The following TFDP1 variants were observed in gnomAD, a reference collection of about 807,000 sequenced individuals.
The protein encoded by TFDP1 is DRTF1-polypeptide 1.
In TFDP1, 6 loss-of-function variants were observed where a neutral mutation model predicts 48.0. That is an observed-to-expected ratio of 0.13 (90% CI 0.07 to 0.25). The LOEUF (loss-of-function observed/expected upper bound fraction) is 0.25. Ranked by LOEUF, TFDP1 falls within the 10% of genes least tolerant of loss-of-function variation. The pLI is 1.00. For synonymous variants in TFDP1, 201 were observed against 211.6 expected (o/e 0.95, Z 0.44); for missense variants, 335 against 543.0 (o/e 0.62, Z 3.81).
chr13:113,632,639 G>A (rs2049367228), intron 5 of TFDP1, among the ~76,000 whole-genome samples: 1 of 152,200 alleles, frequency 6.6e-6, no homozygotes, highest in Non-Finnish European at 1.5e-5. Context: ...TTAGCCAGAT[G>A]TGGTGGCACG....
intron 3 of TFDP1, among the ~76,000 whole-genome samples, chr13:113,616,827 TG>T: frequency 6.6e-6 from 1 of 152,330 alleles, no homozygotes; most frequent in South Asian, 2.1e-4. Flanking sequence ...GTATAAGTTT[TG>T]GTTGGCCTCT....
chr13:113,628,739 A>C (rs909817524), intron 4 of TFDP1, among the ~76,000 whole-genome samples: 3 of 152,042 alleles, frequency 2.0e-5, no homozygotes, highest in Admixed American at 6.5e-5. Context: ...GCTCTGAACT[A>C]TCCTTCCCGG....
At chr13:113,616,500 G>A (rs553058344) in intron 3 of TFDP1, among the ~76,000 whole-genome samples, 6 of 152,300 alleles carry the variant, frequency 3.9e-5, no homozygotes, top group East Asian at 3.9e-4. Flanking sequence ...CGGGTCCCTC[G>A]TTTGCTGCTC....
At chr13:113,620,669 C>G (rs2048975649) in intron 3 of TFDP1, among the ~76,000 whole-genome samples, 2 of 152,214 alleles carry the variant, frequency 1.3e-5, no homozygotes, top group African/African-American at 2.4e-5. Context: ...CCAATCATCA[C>G]TGGTACATTT....
At chr13:113,602,896 T>C (rs554132919) in intron 2 of TFDP1, among the ~76,000 whole-genome samples, 1 of 151,934 alleles carries the variant, frequency 6.6e-6, no homozygotes, top group South Asian at 2.1e-4. Context: ...AAATCTTTTG[T>C]TTTCCCTGGG....
intron 2 of TFDP1, among the ~76,000 whole-genome samples, chr13:113,590,669 A>T (rs1395023693): frequency 6.6e-6 from 1 of 151,660 alleles, no homozygotes; most frequent in Admixed American, 6.6e-5. Context: ...TTTTTTTTCT[A>T]CATAGGATGA....
At chr13:113,601,854 C>T (rs1342517510) in intron 2 of TFDP1, among the ~76,000 whole-genome samples, 1 of 150,830 alleles carries the variant, frequency 6.6e-6, no homozygotes, top group East Asian at 2.0e-4. Context: ...GAGTTACCTG[C>T]AGGAGTCGAG....
chr13:113,613,569 C>T (rs1045716301), intron 3 of TFDP1, among the ~76,000 whole-genome samples: 4 of 130,864 alleles, frequency 3.1e-5, no homozygotes, highest in Admixed American at 7.9e-5. Flanking sequence ...AGTGTGCATA[C>T]GAGTGTGTGT....
chr13:113,612,318 C>T (rs185548289), intron 3 of TFDP1, among the ~76,000 whole-genome samples: 20 of 152,360 alleles, frequency 1.3e-4, no homozygotes, highest in African/African-American at 4.6e-4. Flanking sequence ...GCAGCCTCCC[C>T]AGCCTCCTGC....
intron 10 of TFDP1, among the ~76,000 whole-genome samples, 168 bp downstream of exon 10, chr13:113,636,868 G>A (rs1278125617): frequency 2.0e-5 from 3 of 150,176 alleles, no homozygotes; most frequent in African/African-American, 7.6e-5. Flanking sequence ...GCAGGGGTGT[G>A]GCTGGGGTGG....
intron 4 of TFDP1, among the ~76,000 whole-genome samples, chr13:113,626,657 C>T (rs2140526584): frequency 6.6e-6 from 1 of 152,234 alleles, no homozygotes; most frequent in Non-Finnish European, 1.5e-5. Context: ...AGTTTTGTGG[C>T]CATTGAAAGT....
At chr13:113,599,965 C>T (rs759838505) in intron 2 of TFDP1, among the ~76,000 whole-genome samples, 13 of 150,912 alleles carry the variant, frequency 8.6e-5, no homozygotes, top group Non-Finnish European at 1.6e-4. Context: ...AATCCTTGCA[C>T]GTAGGGCTCC....
intron 2 of TFDP1, among the ~76,000 whole-genome samples, chr13:113,603,211 T>G (rs1207240128): frequency 6.6e-6 from 1 of 152,218 alleles, no homozygotes; most frequent in East Asian, 1.9e-4. Flanking sequence ...TGCTGTGTGT[T>G]GCTTGCTGAC....
At position 113,613,651 on chromosome 13, in the gene TFDP1, G is replaced by C. The variant is rs527367218; in HGVS notation, c.79+2589G>C. On this transcript the variant is annotated intron_variant, in intron 3 of 11. Transcript: ENST00000375370. ...AGTGTGTGTGCATGTGTGTCTGCGT[G>C]AATGCGTGGGTATGAGTGTGTGTGT... Among the ~76,000 whole-genome samples, 3 of 150,170 alleles carry C rather than the reference G, an allele frequency of 2.0e-5. No homozygotes were observed. The South Asian group carries it at 6.4e-4, about 32-fold the overall frequency.
At chr13:113,639,928 A>T (rs566959958) in intron 11 of TFDP1, among the ~76,000 whole-genome samples, 192 bp from the exon 12 acceptor site, 1 of 152,380 alleles carries the variant, frequency 6.6e-6, no homozygotes, top group African/African-American at 2.4e-5. Flanking sequence ...GAAGAGAACC[A>T]GACAGAGATG....
intron 3 of TFDP1, among the ~76,000 whole-genome samples, chr13:113,615,470 C>G (rs1320851808): frequency 1.3e-5 from 2 of 152,222 alleles, no homozygotes; most frequent in East Asian, 3.9e-4. Context: ...CCTGCCCGGC[C>G]TGTGCCTCGT....
chr13:113,610,500 T>C (rs892393677), intron 2 of TFDP1, among the ~76,000 whole-genome samples: 1 of 149,532 alleles, frequency 6.7e-6, no homozygotes, highest in Non-Finnish European at 1.5e-5. Context: ...TGCCATCACG[T>C]GTGCCCCCGC....
In TFDP1 at chr13:113,623,099, C is replaced by T. The variant is rs1023251973; in HGVS notation, c.80-81C>T. 43 of 1,236,882 alleles carry T rather than the reference C, an allele frequency of 3.5e-5. No homozygotes were observed. Among genetic ancestry groups the T allele is most frequent in the African/African-American group, 9.0e-5 (6 of 66,682 alleles). The allele number at this position is 1,236,882 out of a possible 1,614,324, so 76.6% of individuals were successfully genotyped here. On this transcript the variant is annotated intron_variant, in intron 3 of 11. Transcript: ENST00000375370. This position sits in a 1 kb window ranked among gnomAD's most constrained non-coding sequence, Gnocchi z 5.2. ...GCTAAGCATCTCTAATTGCAAGCAC[C>T]GTCTTGCATTTAGAATGGTCGCTTG...
chr13:113,629,761 A>C (rs558282671), intron 4 of TFDP1, among the ~76,000 whole-genome samples: 1 of 145,070 alleles, frequency 6.9e-6, no homozygotes, highest in East Asian at 1.9e-4. Context: ...TCCTCGTTGT[A>C]AGTCAGTTCC....
Sources: allele counts gnomAD v4.1 joint callset (sites outside exome capture counted in the v4.1 genomes callset), GRCh38; gene constraint gnomAD v4.1.1; non-coding constraint Gnocchi (gnomAD v3.1); transcripts MANE v1.5; gene names NCBI Gene and HGNC (gene_info 2026-07-23, HGNC 2026-07-21).